ANO3: variants seen among roughly 807,000 people sequenced by gnomAD.
ANO3 encodes the protein anoctamin-3.
In ANO3, 99 loss-of-function variants were observed where a neutral mutation model predicts 144.8. That is an observed-to-expected ratio of 0.68 (90% CI 0.58 to 0.81). ANO3 has a LOEUF of 0.81. Ranked by LOEUF, ANO3 falls within the 30% of genes least tolerant of loss-of-function variation. The pLI, the probability that ANO3 is intolerant of heterozygous loss-of-function variation, is 0.00. For synonymous variants in ANO3, 414 were observed against 392.6 expected (o/e 1.05, Z -0.64); for missense variants, 905 against 1,202.2 (o/e 0.75, Z 3.66).
chr11:26,308,140 C>T (rs1854425913), upstream of ANO3, among the ~76,000 whole-genome samples: 1 of 152,138 alleles, frequency 6.6e-6, no homozygotes, highest in Admixed American at 6.6e-5. Flanking sequence ...GTTGATGGCA[C>T]AATTGGCAAA....
At chr11:26,608,224 T>C (rs2132954965) in intron 17 of ANO3, among the ~76,000 whole-genome samples, 1 of 152,072 alleles carries the variant, frequency 6.6e-6, no homozygotes, top group African/African-American at 2.4e-5. Context: ...TGACTGGGGG[T>C]TCCCTTCAGG....
At chr11:26,456,122 T>C (rs2134046680) in intron 3 of ANO3, among the ~76,000 whole-genome samples, 1 of 152,184 alleles carries the variant, frequency 6.6e-6, no homozygotes, top group East Asian at 1.9e-4. Context: ...ATAAAAACCC[T>C]AGAAGAAAAC....
At chr11:26,207,258 GT>G (rs1363048142) in intron 1 of ANO3, among the ~76,000 whole-genome samples, 1 of 152,122 alleles carries the variant, frequency 6.6e-6, no homozygotes, top group Non-Finnish European at 1.5e-5. Flanking sequence ...AAATAAATAA[GT>G]AAAAGTATAA....
intron 4 of ANO3, among the ~76,000 whole-genome samples, chr11:26,475,788 G>C (rs1191711537): frequency 6.6e-6 from 1 of 151,876 alleles, no homozygotes; most frequent in Non-Finnish European, 1.5e-5. Flanking sequence ...TTTTCTTTCA[G>C]TAAAATGAGA....
At chr11:26,451,341 G>C (rs895437507) in intron 3 of ANO3, among the ~76,000 whole-genome samples, 2 of 152,200 alleles carry the variant, frequency 1.3e-5, no homozygotes, top group Admixed American at 6.5e-5. Context: ...TCAAAGAAAG[G>C]GGTGATGGGC....
At chr11:26,418,978 T>G (rs1857674665) in intron 1 of ANO3, among the ~76,000 whole-genome samples, 1 of 152,108 alleles carries the variant, frequency 6.6e-6, no homozygotes, top group Non-Finnish European at 1.5e-5. Flanking sequence ...CACACTGCTA[T>G]AAAGAAATAC....
chr11:26,300,953 A>C (rs1187348154), intron 1 of ANO3, among the ~76,000 whole-genome samples: 1 of 146,264 alleles, frequency 6.8e-6, no homozygotes, highest in Admixed American at 6.8e-5. Flanking sequence ...TCCTGGGCTC[A>C]AGCGATTCTC....
At chr11:26,312,001 C>T (rs1456263332) in intron 1 of ANO3, among the ~76,000 whole-genome samples, 3 of 152,132 alleles carry the variant, frequency 2.0e-5, no homozygotes, top group South Asian at 4.1e-4. Flanking sequence ...CCTCCGCTCT[C>T]CCCCAACCCC....
chr11:26,363,335 C>T (rs1017978192), intron 1 of ANO3, among the ~76,000 whole-genome samples: 1 of 152,106 alleles, frequency 6.6e-6, no homozygotes, highest in Non-Finnish European at 1.5e-5. Flanking sequence ...ATACTAAATA[C>T]TGGGTGGCTT....
intron 1 of ANO3, among the ~76,000 whole-genome samples, chr11:26,343,796 A>G (rs189229238): frequency 4.3e-4 from 66 of 152,282 alleles, no homozygotes; most frequent in South Asian, 8.3e-4. Flanking sequence ...TTCTTCTCCT[A>G]TATAAATTGG....
intron 14 of ANO3, among the ~76,000 whole-genome samples, chr11:26,567,470 T>G (rs1439288754): frequency 6.6e-6 from 1 of 151,970 alleles, no homozygotes; most frequent in Non-Finnish European, 1.5e-5. Context: ...ACAGAGCTTC[T>G]AAACACTCCC....
chr11:26,350,295 T>A (rs960216054), intron 1 of ANO3, among the ~76,000 whole-genome samples: 1 of 152,042 alleles, frequency 6.6e-6, no homozygotes, highest in African/African-American at 2.4e-5. Context: ...CCCGCACAAG[T>A]ATGGGCTTGC....
intron 1 of ANO3, among the ~76,000 whole-genome samples, chr11:26,356,731 A>G (rs945392392): frequency 6.6e-6 from 1 of 152,186 alleles, no homozygotes; most frequent in Non-Finnish European, 1.5e-5. Flanking sequence ...GTTAAAGTCA[A>G]ATTGTTGCTA....
chr11:26,264,223 T>C (rs1298830130), intron 1 of ANO3, among the ~76,000 whole-genome samples: 1 of 152,188 alleles, frequency 6.6e-6, no homozygotes, highest in East Asian at 1.9e-4. Flanking sequence ...ACATGTAGCT[T>C]CAATGTAACC....
intron 10 of ANO3, 95 bp from the exon 11 acceptor site, chr11:26,541,852 T>C: frequency 8.4e-7 from 1 of 1,191,616 alleles, no homozygotes; most frequent in Admixed American, 2.9e-5. Context: ...TTTCAATAAG[T>C]TGTTAAATTA....
At chr11:26,286,730 A>G (rs900999627) in intron 1 of ANO3, among the ~76,000 whole-genome samples, 3 of 152,180 alleles carry the variant, frequency 2.0e-5, no homozygotes, top group Non-Finnish European at 4.4e-5. Context: ...TTTGGTCTCC[A>G]TACAAGATAG....
At chr11:26,629,463 A>G (rs1371132194) in intron 18 of ANO3, among the ~76,000 whole-genome samples, 1 of 152,130 alleles carries the variant, frequency 6.6e-6, no homozygotes, top group Non-Finnish European at 1.5e-5. Flanking sequence ...CAAGAATTGA[A>G]TGTACTTACT....
intron 1 of ANO3, among the ~76,000 whole-genome samples, chr11:26,372,519 C>T (rs1856290398): frequency 6.6e-6 from 1 of 152,180 alleles, no homozygotes; most frequent in Admixed American, 6.5e-5. Context: ...AAAGCATCTT[C>T]ACTGGATAAA....
In ANO3 at chr11:26,490,411, A is replaced by T. The variant is rs567495207; in HGVS notation, c.433-17693A>T. Reference sequence around the variant, plus strand: ...CTTGCAAACATGCACATTATTATAAACTCTAGATACCAAAGTAGACTGCCA... The same window carrying T: ...CTTGCAAACATGCACATTATTATAATCTCTAGATACCAAAGTAGACTGCCA... On this transcript the variant is annotated intron_variant, in intron 4 of 26. Coordinates refer to ENST00000256737, the MANE Select transcript of ANO3 (RefSeq NM_031418.4). Among the ~76,000 whole-genome samples, 4 of 152,204 alleles carry T rather than the reference A, an allele frequency of 2.6e-5. No homozygotes were observed. In the South Asian group the frequency reaches 8.3e-4, roughly 32 times the overall value.
Sources: gnomAD v4.1 joint callset for allele counts (sites outside exome capture counted in the v4.1 genomes callset) on GRCh38, gnomAD v4.1.1 for gene constraint, MANE v1.5 for transcripts, NCBI Gene and HGNC (gene_info 2026-07-23, HGNC 2026-07-21) for gene names.